SNTG1: variants seen among roughly 807,000 people sequenced by gnomAD.
SNTG1 encodes the protein syntrophin gamma 1.
In SNTG1, 39 loss-of-function variants were observed where a neutral mutation model predicts 74.7. The ratio of observed to expected loss-of-function variants is 0.52; its 90% CI spans 0.40 to 0.68. SNTG1 has a LOEUF of 0.68. Among genes scored for constraint, SNTG1 ranks in the 30% least tolerant of loss-of-function variants. The pLI is 0.00. For missense variants in SNTG1, 685 were observed against 609.5 expected (o/e 1.12, Z -1.30); for synonymous variants, 254 against 217.1 (o/e 1.17, Z -1.49).
At chr8:50,709,683 C>T (rs2095456230) in intron 17 of SNTG1, among the ~76,000 whole-genome samples, 1 of 152,160 alleles carries the variant, frequency 6.6e-6, no homozygotes. Flanking sequence ...TCTTAAAGCT[C>T]AACTGATCCC....
intron 1 of SNTG1, among the ~76,000 whole-genome samples, chr8:50,150,148 T>C (rs569472873): frequency 6.6e-6 from 1 of 152,168 alleles, no homozygotes; most frequent in Non-Finnish European, 1.5e-5. Flanking sequence ...TTATTCTCTT[T>C]GAAGCAATTG....
chr8:50,467,404 G>A (rs1379650609), intron 8 of SNTG1, among the ~76,000 whole-genome samples: 4 of 151,812 alleles, frequency 2.6e-5, no homozygotes, highest in African/African-American at 9.7e-5. Flanking sequence ...GATCATGTAA[G>A]TTATCAAATC....
intron 2 of SNTG1, among the ~76,000 whole-genome samples, chr8:50,311,793 G>T (rs981582876): frequency 2.6e-5 from 4 of 152,162 alleles, no homozygotes; most frequent in Non-Finnish European, 4.4e-5. Context: ...AAAATACATG[G>T]AAATACACTT....
intron 1 of SNTG1, among the ~76,000 whole-genome samples, chr8:50,032,071 G>A (rs993953296): frequency 6.6e-6 from 1 of 152,062 alleles, no homozygotes; most frequent in African/African-American, 2.4e-5. Context: ...TAAAATTTGT[G>A]TGTAGAGTTG....
intron 2 of SNTG1, among the ~76,000 whole-genome samples, chr8:50,220,483 G>A (rs2085009481): frequency 6.6e-6 from 1 of 152,176 alleles, no homozygotes; most frequent in Non-Finnish European, 1.5e-5. Flanking sequence ...GACTGGAGGG[G>A]ATAATCTGTC....
intron 2 of SNTG1, among the ~76,000 whole-genome samples, chr8:50,226,518 C>A (rs971840036): frequency 1.4e-4 from 22 of 152,176 alleles, no homozygotes; most frequent in African/African-American, 5.1e-4. Context: ...TCTCTAAGGG[C>A]AGCCACTATA....
At chr8:50,771,705 T>C (rs1376646748) in intron 18 of SNTG1, among the ~76,000 whole-genome samples, 3 of 151,930 alleles carry the variant, frequency 2.0e-5, no homozygotes, top group Non-Finnish European at 4.4e-5. Flanking sequence ...TCAAAGATCT[T>C]TGAGGCCAGT....
chr8:50,131,570 T>C (rs1455987729), intron 1 of SNTG1, among the ~76,000 whole-genome samples: 1 of 152,094 alleles, frequency 6.6e-6, no homozygotes, highest in African/African-American at 2.4e-5. Flanking sequence ...ACATTTTCTT[T>C]GTCTATTTAT....
At chr8:50,332,894 A>T (rs2091015947) in intron 2 of SNTG1, among the ~76,000 whole-genome samples, 1 of 152,204 alleles carries the variant, frequency 6.6e-6, no homozygotes, top group African/African-American at 2.4e-5. Context: ...CTCAAGTACA[A>T]TTACTTTGTT....
At chr8:50,500,417 G>C (rs1383942141) in intron 8 of SNTG1, among the ~76,000 whole-genome samples, 1 of 151,380 alleles carries the variant, frequency 6.6e-6, no homozygotes, top group Non-Finnish European at 1.5e-5. Flanking sequence ...AACTTTTTTG[G>C]CTGAAATTTT....
chr8:50,678,858 A>G (rs2095319971), intron 15 of SNTG1, among the ~76,000 whole-genome samples: 1 of 152,106 alleles, frequency 6.6e-6, no homozygotes, highest in Non-Finnish European at 1.5e-5. Flanking sequence ...AGTAGTTGAG[A>G]GAGAAATAAT....
At chr8:50,775,513 T>C (rs1452699129) in intron 18 of SNTG1, among the ~76,000 whole-genome samples, 1 of 151,728 alleles carries the variant, frequency 6.6e-6, no homozygotes, top group African/African-American at 2.4e-5. Flanking sequence ...TTAATTATTT[T>C]AAATTTATTG....
At chr8:50,305,168 T>C (rs1014326112) in intron 2 of SNTG1, among the ~76,000 whole-genome samples, 6 of 152,118 alleles carry the variant, frequency 3.9e-5, no homozygotes, top group African/African-American at 1.4e-4. Context: ...TGAGCTCTTG[T>C]ATGTTGAAAG....
intron 2 of SNTG1, among the ~76,000 whole-genome samples, chr8:50,204,643 A>G (rs972226643): frequency 6.6e-6 from 1 of 152,170 alleles, no homozygotes; most frequent in Non-Finnish European, 1.5e-5. Flanking sequence ...ATATGTATAC[A>G]TGTGCCATAT....
chr8:50,305,771 G>A (rs993055182), intron 2 of SNTG1, among the ~76,000 whole-genome samples: 12 of 151,658 alleles, frequency 7.9e-5, no homozygotes, highest in African/African-American at 2.4e-4. Context: ...TCAATGAATT[G>A]GATGTTGAAT....
chr8:50,483,780 G>T (rs2093760193), intron 8 of SNTG1, among the ~76,000 whole-genome samples: 1 of 152,172 alleles, frequency 6.6e-6, no homozygotes. Context: ...TCTAATGTGG[G>T]TGTGATAGGG....
At chr8:50,211,026 T>A (rs966214960) in intron 2 of SNTG1, among the ~76,000 whole-genome samples, 9 of 152,170 alleles carry the variant, frequency 5.9e-5, no homozygotes, top group Non-Finnish European at 1.3e-4. Context: ...CTTTCAAGTC[T>A]AATATTTTAG....
chr8:50,645,397 T>C lies in SNTG1; in HGVS notation c.850-11512T>C, dbSNP rs2095102152. ...ACCTAATGTTTGAACATATTAAGCA[T>C]GATAGTTTTAAAGTCTGTCTGGTCC... On this transcript the variant is annotated intron_variant, in intron 13 of 18. Coordinates refer to ENST00000642720, the MANE Select transcript of SNTG1 (RefSeq NM_018967.5). 2.0e-5 allele frequency among the ~76,000 whole-genome samples: 3 copies of C among 152,154 alleles called. 1 individual carries two copies. The highest frequency in any genetic ancestry group is 4.4e-5 in the Non-Finnish European group (3 of 68,030).
chr8:50,214,176 C>A (rs1201108053), intron 2 of SNTG1, among the ~76,000 whole-genome samples: 3 of 143,866 alleles, frequency 2.1e-5, no homozygotes, highest in African/African-American at 7.8e-5. Context: ...CCAAACACCG[C>A]ATATTCTCAC....
Sources: allele counts gnomAD v4.1 joint callset (sites outside exome capture counted in the v4.1 genomes callset), GRCh38; gene constraint gnomAD v4.1.1; transcripts MANE v1.5; gene names NCBI Gene and HGNC (gene_info 2026-07-23, HGNC 2026-07-21).